MAP4K1: variants seen among roughly 807,000 people sequenced by gnomAD.
MAP4K1 encodes the protein mitogen-activated protein kinase kinase kinase kinase 1.
In MAP4K1, 35 loss-of-function variants were observed where a neutral mutation model predicts 122.8. The observed-to-expected ratio is 0.29, with a 90% CI of 0.22 to 0.38. The LOEUF (loss-of-function observed/expected upper bound fraction) is 0.38, where lower values mean the gene tolerates loss of function less well. MAP4K1 is among the 10% of genes least tolerant of loss of function. MAP4K1 has a pLI of 1.00. For synonymous variants in MAP4K1, 412 were observed against 421.3 expected (o/e 0.98, Z 0.27); for missense variants, 791 against 1,072.6 (o/e 0.74, Z 3.67).
chr19:38,603,097 CACAT>C (rs1975180178), intron 19 of MAP4K1, among the ~76,000 whole-genome samples: 1 of 140,534 alleles, frequency 7.1e-6, no homozygotes, highest in South Asian at 2.4e-4. Context: ...TACATATATA[CACAT>C]GTACATATAT....
intron 30 of MAP4K1, among the ~76,000 whole-genome samples, chr19:38,592,992 C>T (rs1219398098): frequency 2.6e-5 from 4 of 151,886 alleles, no homozygotes; most frequent in African/African-American, 9.7e-5. Flanking sequence ...TCCAGATACT[C>T]AGGAAGCTGA....
chr19:38,602,270 T>C (rs1975086478), intron 19 of MAP4K1, among the ~76,000 whole-genome samples: 2 of 152,116 alleles, frequency 1.3e-5, no homozygotes, highest in Admixed American at 1.3e-4. Context: ...AGACAGGGTT[T>C]CGCCATGTTG....
At chr19:38,605,753 T>A in intron 17 of MAP4K1, 23 bp from the exon 18 acceptor site, 1 of 1,595,308 alleles carries the variant, frequency 6.3e-7, no homozygotes, top group South Asian at 1.1e-5. Flanking sequence ...GAATGGAGCG[T>A]GGGGAAATAC....
chr19:38,610,956 C>G, intron 11 of MAP4K1, 95 bp downstream of exon 11: 1 of 1,125,286 alleles, frequency 8.9e-7, no homozygotes, highest in South Asian at 1.3e-5. Flanking sequence ...GGAAAGGCCA[C>G]GGGGACTCCA....
intron 17 of MAP4K1, 98 bp downstream of exon 17, chr19:38,606,075 G>T (rs1975320705): frequency 2.1e-6 from 2 of 967,694 alleles, no homozygotes; most frequent in South Asian, 1.4e-5. Context: ...CCAATTCCCT[G>T]CCCTGGAGAG....
intron 13 of MAP4K1, 98 bp from the exon 14 acceptor site, chr19:38,608,268 C>A: frequency 1.8e-6 from 1 of 556,554 alleles, no homozygotes; most frequent in Non-Finnish European, 3.1e-6. Flanking sequence ...GGGGGGGTTG[C>A]AGTCAGGATC....
chr19:38,595,951 C>A lies in MAP4K1; in HGVS notation c.2167G>T (p.Val723Leu). The A allele has an allele frequency of 6.2e-7, 1 of 1,613,992 alleles. No individual in the cohort carries two copies. Among genetic ancestry groups the A allele is most frequent in the Non-Finnish European group, 8.5e-7 (1 of 1,179,954 alleles). Residue 723 changes from valine to leucine, a missense_variant, in exon 27 of 31, where the codon GTG becomes TTG. Physicochemically the swap from Val to Leu is conservative, Grantham distance 32. This residue lies in a region of MAP4K1 where 267 missense variants were observed against 323.0 expected (regional missense o/e 0.83). Coordinates refer to ENST00000396857, the MANE Select transcript of MAP4K1 (RefSeq NM_001042600.3). ...VTQVEEDMVM[V>L]LMDGSVKLVT... ...GGAGGGTTCTCACCATCCATCAACA[C>A]CATCACCATATCTTCCTCTACCTGG...
intron 17 of MAP4K1, 151 bp from the exon 18 acceptor site, chr19:38,605,881 C>T: frequency 1.4e-6 from 1 of 718,158 alleles, no homozygotes; most frequent in Non-Finnish European, 2.3e-6. Context: ...TCCAGCCTTC[C>T]CCTGACATCC....
rs751718839 is a variant in MAP4K1 at position 38,614,316 on chromosome 19, GA to G, written c.370-25del. Reference sequence around the variant, plus strand: ...CCCTGGGGAGAAGGGTGGACAAGGGGACAGTGAGTGTTTGGGGGCTGGAGTG... The same window carrying G: ...CCCTGGGGAGAAGGGTGGACAAGGGGCAGTGAGTGTTTGGGGGCTGGAGTG... On this transcript the variant is annotated intron_variant, in intron 5 of 30. Coordinates refer to ENST00000396857, the MANE Select transcript of MAP4K1 (RefSeq NM_001042600.3). 8.1e-6 allele frequency: 13 copies of G among 1,614,070 alleles called. No individual in the cohort carries two copies. The Admixed American group carries it at 8.3e-5, about 10-fold the overall frequency.
chr19:38,590,354 C>A (rs77790130), intron 30 of MAP4K1, among the ~76,000 whole-genome samples: 90,533 of 90,560 alleles, frequency 1, 45,253 homozygotes, highest in Middle Eastern at 1. Flanking sequence ...TCCTAAGTGC[C>A]ACCTATGATC....
At chr19:38,603,357 TATATACACAC>T in intron 19 of MAP4K1, among the ~76,000 whole-genome samples, 1 of 144,300 alleles carries the variant, frequency 6.9e-6, no homozygotes, top group South Asian at 2.2e-4. Flanking sequence ...CACATATACA[TATATACACAC>T]ATATACATAT....
At chr19:38,602,661 C>A (rs548921405) in intron 19 of MAP4K1, among the ~76,000 whole-genome samples, 1 of 138,122 alleles carries the variant, frequency 7.2e-6, no homozygotes, top group Middle Eastern at 4.5e-3. Flanking sequence ...TACATATATA[C>A]ACATGTACAT....
chr19:38,600,246 C>A, intron 20 of MAP4K1, 93 bp from the exon 21 acceptor site: 1 of 988,732 alleles, frequency 1.0e-6, no homozygotes, highest in Non-Finnish European at 1.6e-6. Flanking sequence ...ACACTCTGTC[C>A]CCAGCTCTGA....
chr19:38,590,699 T>C (rs1974702939), intron 30 of MAP4K1, among the ~76,000 whole-genome samples: 1 of 151,634 alleles, frequency 6.6e-6, no homozygotes, highest in African/African-American at 2.4e-5. Flanking sequence ...CATCTCCAAC[T>C]CCTGACCTCA....
Position 38,609,601 on chromosome 19 carries a change from C to T in MAP4K1, c.1001G>A (p.Cys334Tyr). Residue 334 changes from cysteine to tyrosine, a missense_variant, in exon 13 of 31, where the codon TGC becomes TAC. This residue lies in a region of MAP4K1 where 303 missense variants were observed against 344.8 expected (regional missense o/e 0.88). Coordinates refer to ENST00000396857, the MANE Select transcript of MAP4K1 (RefSeq NM_001042600.3). ...CATAAGGATTCTCTACTCACGACAGCAGTCTGCATCTGGGATCCCCAGAGA... is the reference window on the plus strand; with the variant it reads ...CATAAGGATTCTCTACTCACGACAGTAGTCTGCATCTGGGATCCCCAGAGA... ...SSSLGIPDAD[C>Y]CRRHMEFRKL... 6.2e-7 allele frequency: 1 copy of T among 1,613,580 alleles called. No homozygotes were observed. The highest frequency in any genetic ancestry group is 8.5e-7 in the Non-Finnish European group (1 of 1,179,818).
At chr19:38,607,934 C>T (rs1186521346) in intron 15 of MAP4K1, 23 bp from the exon 16 acceptor site, 2 of 1,612,084 alleles carry the variant, frequency 1.2e-6, no homozygotes, top group Admixed American at 1.7e-5. Context: ...AGGTATGAGC[C>T]TTGGGGGCCT....
chr19:38,614,416 T>A lies in MAP4K1; in HGVS notation c.343A>T (p.Ser115Cys). 1 of 1,614,044 alleles carries A rather than the reference T, an allele frequency of 6.2e-7. No individual in the cohort carries two copies. The highest frequency in any genetic ancestry group is 1.1e-5 in the South Asian group (1 of 91,082). Reference sequence around the variant, plus strand: ...TGGAGCACTTCCCGGCAGACATAGCTAATCTGGAGCTCTGACAGGGAGCCT... The same window carrying A: ...TGGAGCACTTCCCGGCAGACATAGCAAATCTGGAGCTCTGACAGGGAGCCT... ...VTGSLSELQI[S>C]YVCREVLQGL... The change falls in exon 5 of 31, where the codon AGC becomes TGC. Residue 115 changes from serine (S) to cysteine (C), a missense_variant. Physicochemically the swap from Ser to Cys is moderately radical, Grantham distance 112 (BLOSUM62 -1). Around this residue, in one of 4 missense-constraint regions of MAP4K1, gnomAD observed 163 missense variants for 286.1 expected, o/e 0.57. Transcript: ENST00000396857.
At chr19:38,590,580 G>A (rs898281130) in intron 30 of MAP4K1, among the ~76,000 whole-genome samples, 1 of 151,234 alleles carries the variant, frequency 6.6e-6, no homozygotes, top group Non-Finnish European at 1.5e-5. Context: ...TCCGATTCAA[G>A]TGATTCTCCT....
At chr19:38,616,974 G>A (rs964523852) in intron 3 of MAP4K1, among the ~76,000 whole-genome samples, 2 of 152,078 alleles carry the variant, frequency 1.3e-5, no homozygotes, top group Admixed American at 6.6e-5. Context: ...AAGACCAGGC[G>A]CGGTGGATCA....
Sources: allele counts gnomAD v4.1 joint callset (sites outside exome capture counted in the v4.1 genomes callset), GRCh38; gene constraint gnomAD v4.1.1; regional missense constraint gnomAD v4.1.1; transcripts MANE v1.5; gene names NCBI Gene and HGNC (gene_info 2026-07-23, HGNC 2026-07-21).